CCDC91: variants seen among roughly 807,000 people sequenced by gnomAD.
The protein encoded by CCDC91 is coiled-coil domain-containing protein 91.
In CCDC91, 48 loss-of-function variants were observed where a neutral mutation model predicts 63.2. The ratio of observed to expected loss-of-function variants is 0.76; its 90% CI spans 0.60 to 0.97. CCDC91 has a LOEUF of 0.97. Among genes scored for constraint, CCDC91 ranks in the 50% least tolerant of loss-of-function variants. The probability of loss-of-function intolerance (pLI) is 0.00; values close to 1 mark genes in which losing one functional copy is unlikely to be tolerated. For missense variants in CCDC91, 500 were observed against 494.6 expected (o/e 1.01, Z -0.10); for synonymous variants, 167 against 165.8 (o/e 1.01, Z -0.06).
At chr12:28,413,744 C>T (rs184278480) in intron 8 of CCDC91, among the ~76,000 whole-genome samples, 1 of 152,276 alleles carries the variant, frequency 6.6e-6, no homozygotes, top group Admixed American at 6.5e-5. Context: ...TAAAAGCATG[C>T]TTTTACCTTT....
chr12:28,218,737 GTA>G (rs1342085850), intron 1 of CCDC91, among the ~76,000 whole-genome samples: 18 of 151,552 alleles, frequency 1.2e-4, no homozygotes, highest in Middle Eastern at 3.2e-3. Context: ...GTGTATGTAT[GTA>G]TGTGTGTGTG....
At chr12:28,501,519 G>C (rs1176728882) in intron 12 of CCDC91, among the ~76,000 whole-genome samples, 1 of 151,914 alleles carries the variant, frequency 6.6e-6, no homozygotes, top group African/African-American at 2.4e-5. Flanking sequence ...TTATTGCTTT[G>C]CGTATATTGA....
At chr12:28,459,100 A>G (rs2140433169) in intron 11 of CCDC91, among the ~76,000 whole-genome samples, 1 of 152,158 alleles carries the variant, frequency 6.6e-6, no homozygotes, top group Non-Finnish European at 1.5e-5. Context: ...ATAGTGGGCT[A>G]TTTTATGGTC....
intron 11 of CCDC91, among the ~76,000 whole-genome samples, chr12:28,453,371 C>T (rs11049618): frequency 6.6e-6 from 1 of 151,738 alleles, no homozygotes; most frequent in African/African-American, 2.4e-5. Flanking sequence ...CTAACATGTT[C>T]AAACTGTTAA....
chr12:28,534,760 T>A (rs1383680414), intron 12 of CCDC91, among the ~76,000 whole-genome samples: 2 of 152,196 alleles, frequency 1.3e-5, no homozygotes, highest in African/African-American at 4.8e-5. Flanking sequence ...CTAGCTCTAA[T>A]GCTATATTTG....
At chr12:28,410,581 G>A (rs543531963) in intron 8 of CCDC91, among the ~76,000 whole-genome samples, 1 of 152,206 alleles carries the variant, frequency 6.6e-6, no homozygotes, top group African/African-American at 2.4e-5. Flanking sequence ...GAGTGCAGTG[G>A]CATGATCTCG....
At chr12:28,524,025 G>A (rs1170426508) in intron 12 of CCDC91, among the ~76,000 whole-genome samples, 1 of 152,034 alleles carries the variant, frequency 6.6e-6, no homozygotes, top group Non-Finnish European at 1.5e-5. Flanking sequence ...TTGAAATGAA[G>A]GAAAAAATAT....
rs181697057 is a variant in CCDC91 at position 28,540,271 on chromosome 12, A to G, written c.1216-8792A>G. On this transcript the variant is annotated intron_variant, in intron 12 of 12. Coordinates refer to ENST00000536442, the MANE Select transcript of CCDC91 (RefSeq NM_018318.5). ...AAGGATTTTTTATATGATGTATTTA[A>G]TGTGCCAGGCTTTTTTAAATGCTTC... Among the ~76,000 whole-genome samples, 113 of 152,242 alleles carry G rather than the reference A, an allele frequency of 7.4e-4. 1 individual carries two copies. Among genetic ancestry groups the G allele is most frequent in the Non-Finnish European group, 1.3e-3 (88 of 68,024 alleles).
At chr12:28,392,293 G>T (rs369569831) in intron 8 of CCDC91, among the ~76,000 whole-genome samples, 1 of 152,202 alleles carries the variant, frequency 6.6e-6, no homozygotes, top group African/African-American at 2.4e-5. Context: ...TATATTAGCC[G>T]GAATGGACTT....
intron 8 of CCDC91, among the ~76,000 whole-genome samples, chr12:28,442,608 G>C (rs564591261): frequency 6.6e-6 from 1 of 151,956 alleles, no homozygotes; most frequent in South Asian, 2.1e-4. Flanking sequence ...TCAACTTTTT[G>C]GTTTATCTTT....
At chr12:28,304,755 C>CA in intron 3 of CCDC91, 1 of 656,278 alleles carries the variant, frequency 1.5e-6, no homozygotes, top group African/African-American at 1.9e-5. Flanking sequence ...TGGGCTGCAC[C>CA]AAAAAGTGAC....
intron 8 of CCDC91, among the ~76,000 whole-genome samples, chr12:28,437,175 C>T (rs1948955076): frequency 1.3e-5 from 2 of 151,714 alleles, no homozygotes; most frequent in Non-Finnish European, 2.9e-5. Context: ...TGGGCCTTTT[C>T]AATATTTATT....
chr12:28,290,389 A>G (rs993232972), intron 3 of CCDC91, among the ~76,000 whole-genome samples: 27 of 152,052 alleles, frequency 1.8e-4, no homozygotes, highest in African/African-American at 5.6e-4. Flanking sequence ...TTTTGAGCCT[A>G]TGGATGTCAT....
intron 3 of CCDC91, among the ~76,000 whole-genome samples, chr12:28,266,289 A>G (rs555766446): frequency 6.6e-6 from 1 of 152,126 alleles, no homozygotes; most frequent in South Asian, 2.1e-4. Flanking sequence ...TTGTGGAGTG[A>G]GGATTTCTGT....
At chr12:28,194,131 G>T (rs1591929946) in intron 1 of CCDC91, among the ~76,000 whole-genome samples, 1 of 138,764 alleles carries the variant, frequency 7.2e-6, no homozygotes, top group Non-Finnish European at 1.6e-5. Flanking sequence ...ACGTTGCAAA[G>T]ATTTTTTTTC....
intron 2 of CCDC91, among the ~76,000 whole-genome samples, chr12:28,258,947 A>G (rs1370402142): frequency 6.6e-6 from 1 of 152,056 alleles, no homozygotes; most frequent in African/African-American, 2.4e-5. Flanking sequence ...TCTTTGAATT[A>G]ATCTCTAATT....
intron 8 of CCDC91, among the ~76,000 whole-genome samples, chr12:28,444,533 A>G (rs1335192038): frequency 2.0e-5 from 3 of 152,222 alleles, no homozygotes; most frequent in Non-Finnish European, 4.4e-5. Context: ...TTGTGGGAAC[A>G]TGGATGGAGC....
chr12:28,246,053 T>C (rs1317473279), intron 1 of CCDC91, among the ~76,000 whole-genome samples: 2 of 152,132 alleles, frequency 1.3e-5, no homozygotes, highest in African/African-American at 4.8e-5. Context: ...CTTTGGCATA[T>C]AATTAATATA....
chr12:28,546,867 T>C (rs990605669), intron 12 of CCDC91, among the ~76,000 whole-genome samples: 1 of 152,082 alleles, frequency 6.6e-6, no homozygotes, highest in Non-Finnish European at 1.5e-5. Flanking sequence ...ATGTGACAGA[T>C]TTCAGTACCT....
Sources: gnomAD v4.1 joint callset for allele counts (sites outside exome capture counted in the v4.1 genomes callset) on GRCh38, gnomAD v4.1.1 for gene constraint, MANE v1.5 for transcripts, NCBI Gene and HGNC (gene_info 2026-07-23, HGNC 2026-07-21) for gene names.